The following ADGRV1 variants were observed in gnomAD, a reference collection of about 807,000 sequenced individuals.
The protein encoded by ADGRV1 is adhesion G protein-coupled receptor V1, also known as G-protein coupled receptor 98.
A neutral mutation model predicts 596.2 loss-of-function variants in ADGRV1; 359 were observed. The observed-to-expected ratio is 0.60, with a 90% confidence interval of 0.55 to 0.66. The LOEUF (loss-of-function observed/expected upper bound fraction) is 0.66, where lower values mean the gene tolerates loss of function less well. Among genes scored for constraint, ADGRV1 ranks in the 30% least tolerant of loss-of-function variants. The pLI, the probability that ADGRV1 is intolerant of heterozygous loss-of-function variation, is 0.00. For missense variants in ADGRV1, 7,274 were observed against 7,575.6 expected, an observed-to-expected ratio of 0.96 and a Z score of 1.48; for synonymous variants, 2,681 against 2,679.2, an observed-to-expected ratio of 1.00 and a Z score of -0.02.
At chr5:90,905,763 C>T (rs1772264383) in intron 83 of ADGRV1, among the ~76,000 whole-genome samples, 1 of 151,972 alleles carries the variant, frequency 6.6e-6, no homozygotes, top group South Asian at 2.1e-4. Context: ...ACTTTGAGTA[C>T]TATGTTGAAT....
Position 90,652,557 on chromosome 5 carries a change from A to C in ADGRV1, c.3628A>C (p.Ile1210Leu), listed in dbSNP as rs1306513848. ...NEFYFLKLVNISGGSPGPGGQ... is the reference protein window; with the variant it reads ...NEFYFLKLVNLSGGSPGPGGQ... ...ATTTTATTTCCTAAAACTTGTAAACATTTCAGGTACTGTGTTTTTCCATGT... is the reference window on the plus strand; with the variant it reads ...ATTTTATTTCCTAAAACTTGTAAACCTTTCAGGTACTGTGTTTTTCCATGT... The change falls in exon 19 of 90, where the codon ATT (isoleucine) becomes CTT (leucine). Residue 1210 changes from isoleucine to leucine, a missense_variant. Ile to Leu is a conservative substitution (Grantham distance 5, BLOSUM62 2). This residue lies in a region of ADGRV1 where 1,715 missense variants were observed against 1,708.8 expected (regional missense o/e 1.00). Transcript: ENST00000405460. 2.5e-6 allele frequency: 4 copies of C among 1,588,232 alleles called. No homozygotes were observed. In the Admixed American group the frequency reaches 5.1e-5, roughly 20 times the overall value.
chr5:91,003,780 A>G (rs1490215810), intron 85 of ADGRV1, among the ~76,000 whole-genome samples: 1 of 152,238 alleles, frequency 6.6e-6, no homozygotes, highest in Non-Finnish European at 1.5e-5. Flanking sequence ...ATAATTTTAA[A>G]GAAAAATATT....
chr5:90,835,415 G>A (rs1764893017), intron 77 of ADGRV1, among the ~76,000 whole-genome samples: 2 of 152,172 alleles, frequency 1.3e-5, no homozygotes, highest in African/African-American at 4.8e-5. Context: ...CTGTGTCTGT[G>A]CTGAACTTCC....
chr5:90,743,471 C>CTT (rs10942607), intron 50 of ADGRV1, among the ~76,000 whole-genome samples: 6,296 of 120,866 alleles, frequency 0.052, 650 homozygotes, highest in African/African-American at 0.18. Flanking sequence ...CATTTGATAT[C>CTT]TTTTTTTTTT....
intron 25 of ADGRV1, chr5:90,676,614 C>G (rs1350952546): frequency 6.4e-6 from 1 of 155,480 alleles, no homozygotes; most frequent in African/African-American, 2.4e-5. Context: ...CTATTTTTCC[C>G]CCTTATTATT....
At chr5:90,622,726 AT>A in intron 5 of ADGRV1, 25 bp downstream of exon 5, 1 of 994,180 alleles carries the variant, frequency 1.0e-6, no homozygotes, top group Non-Finnish European at 1.4e-6. Flanking sequence ...AAGTCATTTT[AT>A]TTTATTTATT....
At chr5:90,786,470 C>T (rs761922638) in intron 67 of ADGRV1, among the ~76,000 whole-genome samples, 1 of 152,106 alleles carries the variant, frequency 6.6e-6, no homozygotes, top group Admixed American at 6.5e-5. Context: ...AGAACAATGT[C>T]ACCAGATTGT....
chr5:91,081,561 A>C (rs925562425), intron 86 of ADGRV1, among the ~76,000 whole-genome samples: 27 of 152,256 alleles, frequency 1.8e-4, no homozygotes, highest in Middle Eastern at 3.4e-3. Context: ...AGGCAGGTGA[A>C]TCATCTGAGG....
chr5:91,075,253 T>G (rs993899383), intron 86 of ADGRV1, among the ~76,000 whole-genome samples: 5 of 152,178 alleles, frequency 3.3e-5, no homozygotes, highest in Non-Finnish European at 5.9e-5. Flanking sequence ...AAATGTACAT[T>G]CTTTTGGGGG....
At chr5:90,695,334 C>A (rs1189545152) in intron 33 of ADGRV1, among the ~76,000 whole-genome samples, 1 of 152,016 alleles carries the variant, frequency 6.6e-6, no homozygotes, top group Non-Finnish European at 1.5e-5. Flanking sequence ...TTGAGTGGTT[C>A]TTTTTCAGGA....
intron 87 of ADGRV1, among the ~76,000 whole-genome samples, chr5:91,117,251 T>C (rs892194207): frequency 6.6e-6 from 1 of 152,210 alleles, no homozygotes; most frequent in Non-Finnish European, 1.5e-5. Context: ...AGTTTATTGT[T>C]TGAACCAATA....
intron 85 of ADGRV1, among the ~76,000 whole-genome samples, chr5:91,059,143 C>G (rs1787174315): frequency 1.3e-5 from 2 of 152,124 alleles, no homozygotes; most frequent in Non-Finnish European, 2.9e-5. Flanking sequence ...TTATTGAGTA[C>G]CTACGGCATG....
chr5:90,658,762 C>T (rs967882318), intron 21 of ADGRV1, among the ~76,000 whole-genome samples: 1 of 151,088 alleles, frequency 6.6e-6, no homozygotes, highest in Non-Finnish European at 1.5e-5. Flanking sequence ...TTCTTATCAA[C>T]CTTCTTGGCC....
intron 85 of ADGRV1, among the ~76,000 whole-genome samples, chr5:90,998,864 C>T (rs563846273): frequency 2.6e-5 from 4 of 152,160 alleles, no homozygotes; most frequent in Admixed American, 2.6e-4. Context: ...GTACCTTAAA[C>T]TTGTATTTCT....
At chr5:90,948,568 C>T (rs556132082) in intron 83 of ADGRV1, among the ~76,000 whole-genome samples, 10 of 151,958 alleles carry the variant, frequency 6.6e-5, no homozygotes, top group Non-Finnish European at 1.3e-4. Context: ...GAGAAATGTC[C>T]CATAGAAAAC....
In ADGRV1 at chr5:91,164,392, C is replaced by T. The variant is rs977675363; in HGVS notation, c.*492C>T. ...TTAATTCTGAAAACTGTAAAATGGT[C>T]TGTCTGTTGATGATCCTGCACATAA... On this transcript the variant is annotated 3_prime_UTR_variant, in exon 90 of 90. Transcript: ENST00000405460. 8.9e-6 allele frequency: 2 copies of T among 224,806 alleles called. No homozygotes were observed. The highest frequency in any genetic ancestry group is 1.8e-5 in the Non-Finnish European group (2 of 110,348). The allele number at this position is 224,806 out of a possible 1,614,324, so 13.9% of individuals were successfully genotyped here.
chr5:90,937,943 A>G (rs912233057), intron 83 of ADGRV1, among the ~76,000 whole-genome samples: 8 of 152,162 alleles, frequency 5.3e-5, no homozygotes, highest in Non-Finnish European at 1.2e-4. Context: ...AGTTAATTTT[A>G]TCTAAAGTGC....
At chr5:91,149,936 A>G in intron 87 of ADGRV1, 94 bp from the exon 88 acceptor site, 1 of 991,436 alleles carries the variant, frequency 1.0e-6, no homozygotes, top group Non-Finnish European at 1.4e-6. Flanking sequence ...CAATACAACC[A>G]TGTTTATTCT....
At chr5:90,990,618 G>T (rs1780884262) in intron 85 of ADGRV1, among the ~76,000 whole-genome samples, 1 of 152,182 alleles carries the variant, frequency 6.6e-6, no homozygotes, top group Non-Finnish European at 1.5e-5. Flanking sequence ...TAGGCCATGG[G>T]CAGGTACCAG....
Sources: allele counts gnomAD v4.1 joint callset (sites outside exome capture counted in the v4.1 genomes callset), GRCh38; gene constraint gnomAD v4.1.1; regional missense constraint gnomAD v4.1.1; transcripts MANE v1.5; gene names NCBI Gene and HGNC (gene_info 2026-07-23, HGNC 2026-07-21).